Variants in GRIP1 observed in about 807,000 individuals in gnomAD.
GRIP1 encodes the protein glutamate receptor-interacting protein 1.
A neutral mutation model predicts 129.9 loss-of-function variants in GRIP1; 45 were observed. That is an observed-to-expected ratio of 0.35 (90% confidence interval 0.27 to 0.44). The LOEUF (loss-of-function observed/expected upper bound fraction) is 0.44. Ranked by LOEUF, GRIP1 falls within the 20% of genes least tolerant of loss-of-function variation. The pLI, the probability that GRIP1 is intolerant of heterozygous loss-of-function variation, is 1.00. For synonymous variants in GRIP1, 530 were observed against 520.8 expected (o/e 1.02, Z -0.24); for missense variants, 1,196 against 1,396.8 (o/e 0.86, Z 2.29).
chr12:66,449,513 G>C (rs2058718189), intron 11 of GRIP1, among the ~76,000 whole-genome samples: 1 of 152,144 alleles, frequency 6.6e-6, no homozygotes, highest in South Asian at 2.1e-4. Context: ...GGTTAACATA[G>C]CCTGCAGTGG....
intron 1 of GRIP1, among the ~76,000 whole-genome samples, chr12:66,924,970 A>C (rs563534127): frequency 1.3e-5 from 2 of 152,348 alleles, no homozygotes; most frequent in South Asian, 4.1e-4. Flanking sequence ...ACTCCGTCTC[A>C]AAAAAGAAAA....
chr12:67,031,324 A>C (rs1215372238), intron 1 of GRIP1, among the ~76,000 whole-genome samples: 2 of 152,170 alleles, frequency 1.3e-5, no homozygotes, highest in Admixed American at 6.6e-5. Context: ...AAACTACACA[A>C]AATCCTGTTC....
chr12:67,054,339 C>A (rs1326055055), intron 1 of GRIP1, among the ~76,000 whole-genome samples: 1 of 152,174 alleles, frequency 6.6e-6, no homozygotes, highest in African/African-American at 2.4e-5. Flanking sequence ...GGGGATACAA[C>A]AGTAACGAAA....
At chr12:66,845,563 T>G (rs1424652176) in intron 1 of GRIP1, among the ~76,000 whole-genome samples, 2 of 152,226 alleles carry the variant, frequency 1.3e-5, no homozygotes, top group Non-Finnish European at 2.9e-5. Context: ...TAAAGTTCTG[T>G]CTTCCCAAGA....
intron 1 of GRIP1, among the ~76,000 whole-genome samples, chr12:66,878,298 C>T (rs1420188885): frequency 3.3e-5 from 5 of 151,772 alleles, no homozygotes; most frequent in Non-Finnish European, 7.4e-5. Context: ...CTAAAGGAAC[C>T]TGGAAGAGGG....
At chr12:66,892,533 C>G (rs1051068050) in intron 1 of GRIP1, among the ~76,000 whole-genome samples, 5 of 152,060 alleles carry the variant, frequency 3.3e-5, no homozygotes, top group Admixed American at 2.0e-4. Flanking sequence ...AATACTTTAT[C>G]TAAATGAGAG....
chr12:66,634,647 T>C (rs1312741341), intron 1 of GRIP1, among the ~76,000 whole-genome samples: 2 of 152,214 alleles, frequency 1.3e-5, no homozygotes, highest in African/African-American at 4.8e-5. Flanking sequence ...CCAAAGAGGT[T>C]TAACACAGTA....
At chr12:66,533,874 CACACAT>C (rs1335282290) in intron 4 of GRIP1, among the ~76,000 whole-genome samples, 16 of 139,986 alleles carry the variant, frequency 1.1e-4, no homozygotes, top group African/African-American at 3.7e-4. Flanking sequence ...CACACACACA[CACACAT>C]ACACACACTC....
At position 66,749,804 on chromosome 12, in the gene GRIP1, A is replaced by C. The variant is rs550374234; in HGVS notation, c.-420+54249T>G. ...GTGGTGAGGCATCTTGGATGAAGAA[A>C]ATTCCCCGGAGATGTCAGAGCAGCA... On this transcript the variant is annotated intron_variant, in intron 1 of 4. Coordinates refer to the GRIP1 transcript ENST00000538373. Among the ~76,000 whole-genome samples, 85 of 152,202 alleles carry C rather than the reference A, an allele frequency of 5.6e-4. No individual in the cohort carries two copies. The South Asian group carries it at 0.017, about 31-fold the overall frequency.
At chr12:66,631,484 T>C (rs1336382531) in intron 1 of GRIP1, among the ~76,000 whole-genome samples, 2 of 152,214 alleles carry the variant, frequency 1.3e-5, no homozygotes, top group Admixed American at 6.5e-5. Flanking sequence ...AACAAAACAA[T>C]ACTATCTATA....
intron 2 of GRIP1, 62 bp downstream of exon 2, chr12:66,596,785 G>T: frequency 1.1e-6 from 1 of 914,342 alleles, no homozygotes; most frequent in Non-Finnish European, 1.8e-6. Context: ...GAATTATTTA[G>T]AATCACCAAA....
At chr12:66,758,377 T>C (rs2037365572) in intron 1 of GRIP1, among the ~76,000 whole-genome samples, 1 of 151,748 alleles carries the variant, frequency 6.6e-6, no homozygotes, top group Non-Finnish European at 1.5e-5. Context: ...CGTGATTCAA[T>C]TACCCCCACC....
intron 1 of GRIP1, among the ~76,000 whole-genome samples, chr12:66,633,668 A>T (rs990135941): frequency 1.3e-4 from 20 of 152,154 alleles, no homozygotes; most frequent in African/African-American, 4.8e-4. Flanking sequence ...GAGGTTAAAT[A>T]ACTTGCCCAG....
intron 1 of GRIP1, among the ~76,000 whole-genome samples, chr12:66,662,774 A>G (rs749399236): frequency 1.4e-4 from 22 of 152,162 alleles, no homozygotes; most frequent in Non-Finnish European, 2.8e-4. Flanking sequence ...GAACCACTCA[A>G]TCTAATCTCT....
At chr12:66,750,712 A>G (rs143608651) in intron 1 of GRIP1, among the ~76,000 whole-genome samples, 165 of 152,328 alleles carry the variant, frequency 1.1e-3, no homozygotes, top group African/African-American at 3.8e-3. Context: ...AATCTGTTAC[A>G]TTAGAGGAGT....
At chr12:66,618,527 T>TA (rs1287692586) in intron 1 of GRIP1, among the ~76,000 whole-genome samples, 1 of 151,854 alleles carries the variant, frequency 6.6e-6, no homozygotes, top group Admixed American at 6.6e-5. Flanking sequence ...ATCTATCTAT[T>TA]AAAAAAAAGT....
chr12:66,564,258 T>C (rs1592558407), intron 2 of GRIP1: 2 of 148,772 alleles, frequency 1.3e-5, no homozygotes, highest in South Asian at 4.5e-4. Context: ...GTATTTCTCC[T>C]AATGCTATCC....
At chr12:67,033,274 T>TATATATAG (rs2043049286) in intron 1 of GRIP1, among the ~76,000 whole-genome samples, 1 of 74,184 alleles carries the variant, frequency 1.3e-5, no homozygotes, top group African/African-American at 4.9e-5. Flanking sequence ...ACTACATGTA[T>TATATATAG]ATATATATAT....
chr12:66,956,185 C>T (rs1230161593), intron 1 of GRIP1, among the ~76,000 whole-genome samples: 3 of 152,160 alleles, frequency 2.0e-5, no homozygotes, highest in African/African-American at 7.2e-5. Flanking sequence ...GACAGCATGT[C>T]GCATTAGTCA....
Sources: gnomAD v4.1 joint callset for allele counts (sites outside exome capture counted in the v4.1 genomes callset) on GRCh38, gnomAD v4.1.1 for gene constraint, MANE v1.5 for transcripts, NCBI Gene and HGNC (gene_info 2026-07-23, HGNC 2026-07-21) for gene names.